CAMK1D: variants seen among roughly 807,000 people sequenced by gnomAD.
CAMK1D encodes calcium/calmodulin dependent protein kinase ID.
A neutral mutation model predicts 47.7 loss-of-function variants in CAMK1D; 9 were observed. The ratio of observed to expected loss-of-function variants is 0.19; its 90% CI spans 0.11 to 0.33. The LOEUF (loss-of-function observed/expected upper bound fraction) is 0.33. Ranked by LOEUF, CAMK1D falls within the 10% of genes least tolerant of loss-of-function variation. The pLI is 1.00. For synonymous variants in CAMK1D, 184 were observed against 184.9 expected (o/e 0.99, Z 0.04); for missense variants, 291 against 488.7 (o/e 0.60, Z 3.81).
At chr10:12,603,719 GT>G (rs1476397128) in intron 2 of CAMK1D, among the ~76,000 whole-genome samples, 3 of 152,088 alleles carry the variant, frequency 2.0e-5, no homozygotes, top group African/African-American at 7.2e-5. Flanking sequence ...ACCTCCCTTA[GT>G]ACAACTCTTT....
chr10:12,573,771 C>G (rs1837399387), intron 2 of CAMK1D, among the ~76,000 whole-genome samples: 2 of 150,698 alleles, frequency 1.3e-5, no homozygotes, highest in Non-Finnish European at 1.5e-5. Context: ...CCTCCCACCT[C>G]AGCCTCGCAA....
intron 1 of CAMK1D, among the ~76,000 whole-genome samples, chr10:12,352,108 G>A (rs1837370514): frequency 6.6e-6 from 1 of 152,146 alleles, no homozygotes. Flanking sequence ...TTGCAGATGA[G>A]AAAACTAAGG....
At chr10:12,816,659 A>G (rs1210177472) in intron 8 of CAMK1D, among the ~76,000 whole-genome samples, 1 of 151,906 alleles carries the variant, frequency 6.6e-6, no homozygotes, top group Non-Finnish European at 1.5e-5. Flanking sequence ...TCACAAGGTC[A>G]GGTGTTCGAG....
intron 1 of CAMK1D, among the ~76,000 whole-genome samples, chr10:12,540,344 T>C (rs1205777722): frequency 6.6e-6 from 1 of 152,120 alleles, no homozygotes; most frequent in Non-Finnish European, 1.5e-5. Context: ...CTTTAACAAA[T>C]GGCATGAAAA....
chr10:12,496,306 C>T (rs1365926702), intron 1 of CAMK1D, among the ~76,000 whole-genome samples: 3 of 152,184 alleles, frequency 2.0e-5, no homozygotes, highest in African/African-American at 7.2e-5. Flanking sequence ...AGAACTATGA[C>T]TGCACATAAC....
At chr10:12,557,078 C>T (rs1836785324) in intron 2 of CAMK1D, among the ~76,000 whole-genome samples, 3 of 152,126 alleles carry the variant, frequency 2.0e-5, no homozygotes, top group African/African-American at 7.2e-5. Context: ...TGGATGATGA[C>T]CCCATTCACT....
At chr10:12,826,176 C>CTAGGT (rs1351253463) in intron 10 of CAMK1D, 2 of 156,924 alleles carry the variant, frequency 1.3e-5, no homozygotes, top group African/African-American at 2.4e-5. Context: ...TCGTGGAACC[C>CTAGGT]TAGGTATTGC....
chr10:12,513,221 T>C (rs1835092543), intron 1 of CAMK1D, among the ~76,000 whole-genome samples: 1 of 152,158 alleles, frequency 6.6e-6, no homozygotes, highest in South Asian at 2.1e-4. Context: ...ACAAGATGTG[T>C]CAGGATGGGG....
intron 1 of CAMK1D, among the ~76,000 whole-genome samples, chr10:12,412,455 C>A (rs371608323): frequency 3.2e-3 from 374 of 118,470 alleles, no homozygotes; most frequent in Middle Eastern, 4.5e-3. Context: ...ACTAAAAATA[C>A]AAAAAAAAAA....
intron 1 of CAMK1D, among the ~76,000 whole-genome samples, chr10:12,507,963 CT>C (rs777413705): frequency 4.6e-5 from 7 of 152,190 alleles, no homozygotes. Flanking sequence ...GTTCCCAGAT[CT>C]CTGAATGCCC....
chr10:12,582,738 C>A (rs1837698797), intron 2 of CAMK1D, among the ~76,000 whole-genome samples: 1 of 152,126 alleles, frequency 6.6e-6, no homozygotes, highest in Non-Finnish European at 1.5e-5. Context: ...TGAAACTTTG[C>A]TGAATTCATT....
chr10:12,462,145 G>T (rs1833448038), intron 1 of CAMK1D, among the ~76,000 whole-genome samples: 1 of 143,438 alleles, frequency 7.0e-6, no homozygotes, highest in African/African-American at 2.6e-5. Context: ...TGAATTTCTG[G>T]CCTATGAAGA....
intron 2 of CAMK1D, among the ~76,000 whole-genome samples, chr10:12,605,719 C>T (rs964991735): frequency 6.6e-6 from 1 of 152,214 alleles, no homozygotes; most frequent in Non-Finnish European, 1.5e-5. Flanking sequence ...CCAGAAAACA[C>T]TGCCGCATTG....
At chr10:12,363,966 C>T (rs1457459586) in intron 1 of CAMK1D, among the ~76,000 whole-genome samples, 1 of 152,086 alleles carries the variant, frequency 6.6e-6, no homozygotes, top group East Asian at 1.9e-4. Context: ...GGTGTATAGC[C>T]AGAAGTGGAA....
chr10:12,412,030 C>T (rs1190928491), intron 1 of CAMK1D, among the ~76,000 whole-genome samples: 3 of 152,220 alleles, frequency 2.0e-5, no homozygotes, highest in Non-Finnish European at 2.9e-5. Context: ...AGTCTATCAG[C>T]GTGGGCTGGT....
chr10:12,649,058 G>A (rs922834416), intron 2 of CAMK1D, among the ~76,000 whole-genome samples: 2 of 151,948 alleles, frequency 1.3e-5, no homozygotes, highest in African/African-American at 2.4e-5. Flanking sequence ...TTTACAGACC[G>A]GGTTTTACTA....
At chr10:12,770,021 G>A (rs1836968195) in intron 5 of CAMK1D, among the ~76,000 whole-genome samples, 1 of 152,238 alleles carries the variant, frequency 6.6e-6, no homozygotes, top group South Asian at 2.1e-4. Context: ...TTGCACAGTT[G>A]GGTAGAAATC....
chr10:12,828,415 T>C (rs1041534217), intron 10 of CAMK1D, among the ~76,000 whole-genome samples: 50 of 152,086 alleles, frequency 3.3e-4, no homozygotes, highest in African/African-American at 1.2e-3. Context: ...CTGAGGTGGG[T>C]GGATCACCTG....
At chr10:12,617,869 A>G (rs560798213) in intron 2 of CAMK1D, among the ~76,000 whole-genome samples, 1 of 152,322 alleles carries the variant, frequency 6.6e-6, no homozygotes, top group South Asian at 2.1e-4. Flanking sequence ...TTCCAAATGA[A>G]ACGTGAAGTG....
Sources: allele counts gnomAD v4.1 joint callset (sites outside exome capture counted in the v4.1 genomes callset), GRCh38; gene constraint gnomAD v4.1.1; transcripts MANE v1.5; gene names NCBI Gene and HGNC (gene_info 2026-07-23, HGNC 2026-07-21).